Variants in ITSN1 observed in about 807,000 individuals in gnomAD.
ITSN1 encodes intersectin 1, also known as intersectin-1.
In ITSN1, 58 loss-of-function variants were observed where a neutral mutation model predicts 239.8. The ratio of observed to expected loss-of-function variants is 0.24; its 90% confidence interval spans 0.20 to 0.30. The LOEUF (loss-of-function observed/expected upper bound fraction) is 0.30, where lower values mean the gene tolerates loss of function less well. Among genes scored for constraint, ITSN1 ranks in the 10% least tolerant of loss-of-function variants. The pLI, the probability that ITSN1 is intolerant of heterozygous loss-of-function variation, is 1.00. For missense variants in ITSN1, 1,558 were observed against 2,103.3 expected, an observed-to-expected ratio of 0.74 and a Z score of 5.07; for synonymous variants, 780 against 770.8, an observed-to-expected ratio of 1.01 and a Z score of -0.20.
In ITSN1 at chr21:33,865,963, C is replaced by T. The variant is rs758900098; in HGVS notation, c.4074+629C>T. 3.0e-4 allele frequency among the ~76,000 whole-genome samples: 46 copies of T among 152,012 alleles called. No homozygotes were observed. The highest frequency in any genetic ancestry group is 4.6e-4 in the Non-Finnish European group (31 of 67,996). ...TTGGCCAGTGTGGGTCTCTGCTGGC[C>T]GTGCTGGGCCATTCAAACAGCCCCC... On this transcript the variant is annotated intron_variant, in intron 32 of 39. Transcript: ENST00000381318. The surrounding 1 kb of genome is among the most constrained non-coding windows in gnomAD (Gnocchi z 4.4).
chr21:33,664,406 C>T (rs1183736717), intron 1 of ITSN1, among the ~76,000 whole-genome samples: 4 of 152,058 alleles, frequency 2.6e-5, no homozygotes, highest in Non-Finnish European at 4.4e-5. Flanking sequence ...TTGTTAACAG[C>T]CAGCTCATGT....
chr21:33,751,335 A>G (rs577969293), intron 6 of ITSN1, among the ~76,000 whole-genome samples: 1 of 152,132 alleles, frequency 6.6e-6, no homozygotes, highest in Non-Finnish European at 1.5e-5. Flanking sequence ...TTTTTCTGAC[A>G]CTCAACTAAC....
chr21:33,870,183 G>T (rs1446383256), intron 33 of ITSN1, among the ~76,000 whole-genome samples: 1 of 152,134 alleles, frequency 6.6e-6, no homozygotes, highest in Non-Finnish European at 1.5e-5. Flanking sequence ...ACTTAGTTTT[G>T]AAGTAAGTTT....
At position 33,836,519 on chromosome 21, in the gene ITSN1, A is replaced by G. The variant is rs372383366; in HGVS notation, c.3548A>G (p.Asn1183Ser). 69 of 1,613,988 alleles carry G rather than the reference A, an allele frequency of 4.3e-5. No individual in the cohort carries two copies. The African/African-American group carries it at 7.2e-4, about 17-fold the overall frequency. The change falls in exon 29 of 40, where the codon AAC becomes AGC. Residue 1183 changes from asparagine to serine, a missense_variant. Transcript: ENST00000381318. Reference protein sequence around the residue: ...ELAFNKGQIINVLNKEDPDWW... With the variant: ...ELAFNKGQIISVLNKEDPDWW... ...GCCTTCAACAAGGGCCAGATCATCAACGTCCTCAACAAGGAGGACCCTGAC... is the reference window on the plus strand; with the variant it reads ...GCCTTCAACAAGGGCCAGATCATCAGCGTCCTCAACAAGGAGGACCCTGAC...
Position 33,658,222 on chromosome 21 carries a change from C to T in ITSN1, c.-33+15509C>T, listed in dbSNP as rs150187914. On this transcript the variant is annotated intron_variant, in intron 1 of 39. Coordinates refer to ENST00000381318, the MANE Select transcript of ITSN1 (RefSeq NM_003024.3). ...GGAAGTGGGTCATCATAACATTCTTCATCCTCATTGTCTTCACGTTGAGTA... is the reference window on the plus strand; with the variant it reads ...GGAAGTGGGTCATCATAACATTCTTTATCCTCATTGTCTTCACGTTGAGTA... Among the ~76,000 whole-genome samples the T allele has an allele frequency of 3.3e-5, 5 of 152,262 alleles. 1 individual carries two copies. Among genetic ancestry groups the T allele is most frequent in the African/African-American group, 9.6e-5 (4 of 41,544 alleles).
intron 28 of ITSN1, among the ~76,000 whole-genome samples, chr21:33,834,819 G>A (rs960759272): frequency 1.3e-5 from 2 of 151,818 alleles, no homozygotes; most frequent in Admixed American, 6.6e-5. Context: ...GGAGCTGGGG[G>A]CCACGGGGGT....
At chr21:33,749,567 G>A (rs1294512657) in intron 5 of ITSN1, among the ~76,000 whole-genome samples, 5 of 151,806 alleles carry the variant, frequency 3.3e-5, no homozygotes, top group Non-Finnish European at 1.5e-5. Flanking sequence ...ACTTGAACTC[G>A]GGAGGTGGAG....
chr21:33,809,248 GT>G (rs1490840190), intron 20 of ITSN1, among the ~76,000 whole-genome samples: 2 of 152,190 alleles, frequency 1.3e-5, no homozygotes, highest in Non-Finnish European at 2.9e-5. Context: ...CTTTGGAAGT[GT>G]TATTGCATTT....
rs1311971717 is a variant in ITSN1, at chr21:33,834,292, T to C, written c.3352-15T>C. The C allele has an allele frequency of 6.3e-7, 1 of 1,592,664 alleles. No individual in the cohort carries two copies. Among genetic ancestry groups the C allele is most frequent in the Non-Finnish European group, 8.6e-7 (1 of 1,160,718 alleles). On this transcript the variant is annotated splice_polypyrimidine_tract_variant and intron_variant, in intron 27 of 39. Transcript: ENST00000381318. ...GCGCCTTTAAAAATGTTTGATGTAA[T>C]TATTTTCTTACTAGGCACGTGGGAA...
At chr21:33,718,947 G>T in intron 2 of ITSN1, 91 bp downstream of exon 2, 1 of 988,982 alleles carries the variant, frequency 1.0e-6, no homozygotes, top group Non-Finnish European at 1.6e-6. Context: ...AAAAAGTAGA[G>T]AAAATAATAT....
intron 33 of ITSN1, among the ~76,000 whole-genome samples, chr21:33,868,343 T>A (rs1331176551): frequency 2.0e-5 from 3 of 152,222 alleles, no homozygotes; most frequent in Non-Finnish European, 4.4e-5. Context: ...GGGTGGTCGA[T>A]GGGACTGGGC....
intron 1 of ITSN1, among the ~76,000 whole-genome samples, chr21:33,680,404 T>C (rs2146508322): frequency 6.6e-6 from 1 of 151,782 alleles, no homozygotes; most frequent in East Asian, 1.9e-4. Flanking sequence ...CAATCTCGGC[T>C]CACTGCAACT....
chr21:33,812,166 C>T (rs1026681597), intron 21 of ITSN1, among the ~76,000 whole-genome samples: 4 of 152,184 alleles, frequency 2.6e-5, no homozygotes, highest in Non-Finnish European at 5.9e-5. Context: ...AAAAGCCTTC[C>T]ATTAGCTTGA....
intron 1 of ITSN1, among the ~76,000 whole-genome samples, chr21:33,681,128 G>C (rs78486348): frequency 0.044 from 6,722 of 152,212 alleles, 501 homozygotes; most frequent in African/African-American, 0.15. Flanking sequence ...ATATTTACCC[G>C]CCCGGGGATG....
intron 1 of ITSN1, among the ~76,000 whole-genome samples, chr21:33,672,713 G>A (rs895222684): frequency 2.6e-5 from 4 of 151,608 alleles, no homozygotes; most frequent in Admixed American, 2.0e-4. Context: ...ATATGGAAAC[G>A]ATTTTTTTTT....
chr21:33,713,344 A>G (rs1266234544), intron 1 of ITSN1, among the ~76,000 whole-genome samples: 3 of 151,756 alleles, frequency 2.0e-5, no homozygotes, highest in South Asian at 2.1e-4. Context: ...GGTTCACGCC[A>G]TTCTCCTGCC....
intron 1 of ITSN1, among the ~76,000 whole-genome samples, chr21:33,682,902 T>C (rs2091046518): frequency 6.6e-6 from 1 of 152,212 alleles, no homozygotes; most frequent in South Asian, 2.1e-4. Flanking sequence ...TATCTATTGC[T>C]TTATTTGTTA....
chr21:33,811,142 G>C lies in ITSN1; in HGVS notation c.2487G>C (p.Leu829Phe). The change falls in exon 21 of 40, where the codon TTG becomes TTC. Residue 829 changes from leucine (L) to phenylalanine (F), a missense_variant. Leu to Phe is a conservative substitution (Grantham distance 22). Around this residue, in one of 2 missense-constraint regions of ITSN1, gnomAD observed 982 missense variants for 1,209.9 expected, o/e 0.81. Transcript: ENST00000381318. ...STSAPAPKLA[L>F]RETPAPLAVT... is the part of the protein sequence containing the mutation. ...CTGCCCCTGCCCCCAAACTGGCCTT[G>C]CGTGAGACCCCCGCCCCTTTGGCAG... 1 of 1,610,810 alleles carries C rather than the reference G, an allele frequency of 6.2e-7. No individual in the cohort carries two copies. Among genetic ancestry groups the C allele is most frequent in the Non-Finnish European group, 8.5e-7 (1 of 1,179,452 alleles).
intron 34 of ITSN1, among the ~76,000 whole-genome samples, chr21:33,877,181 G>A (rs1984084240): frequency 6.6e-6 from 1 of 151,212 alleles, no homozygotes; most frequent in Non-Finnish European, 1.5e-5. Context: ...AGCCTCAAAA[G>A]TAGCTGGGAT....
Sources: allele counts gnomAD v4.1 joint callset (sites outside exome capture counted in the v4.1 genomes callset), GRCh38; gene constraint gnomAD v4.1.1; regional missense constraint gnomAD v4.1.1; non-coding constraint Gnocchi (gnomAD v3.1); transcripts MANE v1.5; gene names NCBI Gene and HGNC (gene_info 2026-07-23, HGNC 2026-07-21).